PARVB: variants seen among roughly 807,000 people sequenced by gnomAD.
The protein encoded by PARVB is beta-parvin.
A neutral mutation model predicts 47.0 loss-of-function variants in PARVB; 46 were observed. The ratio of observed to expected loss-of-function variants is 0.98; its 90% CI spans 0.77 to 1.25. The LOEUF is 1.25. Ranked by LOEUF, PARVB falls within the 50% of genes most tolerant of loss-of-function variation. The pLI is 0.00. For synonymous variants in PARVB, 196 were observed against 196.3 expected (o/e 1.00, Z 0.01); for missense variants, 473 against 471.6 (o/e 1.00, Z -0.03).
At chr22:44,166,964 G>A (rs1382733430) in intron 12 of PARVB, among the ~76,000 whole-genome samples, 1 of 152,218 alleles carries the variant, frequency 6.6e-6, no homozygotes, top group Admixed American at 6.5e-5. Context: ...GGCTGGTGGG[G>A]AGGGAGGCAG....
intron 2 of PARVB, among the ~76,000 whole-genome samples, chr22:44,016,277 T>C (rs2050579745): frequency 6.6e-6 from 1 of 152,026 alleles, no homozygotes; most frequent in Non-Finnish European, 1.5e-5. Context: ...TTTGTATTTT[T>C]AGTAGAGACG....
chr22:44,016,376 A>G (rs9614314), intron 2 of PARVB, among the ~76,000 whole-genome samples: 8,692 of 152,138 alleles, frequency 0.057, 533 homozygotes, highest in African/African-American at 0.15. Flanking sequence ...GATTACAGGC[A>G]TGAGCCACTG....
intron 3 of PARVB, 53 bp from the exon 4 acceptor site, chr22:44,118,985 C>T: frequency 8.0e-7 from 1 of 1,243,528 alleles, no homozygotes; most frequent in African/African-American, 1.5e-5. Context: ...TGGTCACTGC[C>T]TCATTGCCGT....
At chr22:44,009,001 G>GTAAA (rs1367098900) in intron 2 of PARVB, among the ~76,000 whole-genome samples, 2 of 151,950 alleles carry the variant, frequency 1.3e-5, no homozygotes, top group Non-Finnish European at 2.9e-5. Flanking sequence ...AAATAAATAA[G>GTAAA]TAAATAAATA....
intron 2 of PARVB, among the ~76,000 whole-genome samples, chr22:44,003,633 C>A (rs1177652447): frequency 6.6e-6 from 1 of 152,164 alleles, no homozygotes; most frequent in East Asian, 1.9e-4. Flanking sequence ...CCTTTCCTGT[C>A]TGTCTGAAAA....
At chr22:44,030,867 TA>T (rs1312035027) in intron 1 of PARVB, among the ~76,000 whole-genome samples, 6 of 151,840 alleles carry the variant, frequency 4.0e-5, no homozygotes, top group Admixed American at 6.6e-5. Context: ...TCAGGGCCCG[TA>T]GAAAAGTGGC....
At position 44,125,197 on chromosome 22, in the gene PARVB, G is replaced by GT. The variant is rs2053160907; in HGVS notation, c.376+6060dup. Among the ~76,000 whole-genome samples, 1 of 152,144 alleles carries GT rather than the reference G, an allele frequency of 6.6e-6. No individual in the cohort carries two copies. Among genetic ancestry groups the GT allele is most frequent in the South Asian group, 2.1e-4 (1 of 4,828 alleles). On this transcript the variant is annotated intron_variant, in intron 4 of 12. Transcript: ENST00000338758. This position sits in a 1 kb window ranked among gnomAD's most constrained non-coding sequence, Gnocchi z 4.1. Reference sequence around the variant, plus strand: ...TATATTTGGAGGGAAACATGTCTGTGTTTGTTTTGGTCACACATTCATTCA... The same window carrying GT: ...TATATTTGGAGGGAAACATGTCTGTGTTTTGTTTTGGTCACACATTCATTCA...
intron 2 of PARVB, chr22:43,999,746 C>T (rs1405015897): frequency 2.0e-6 from 2 of 981,834 alleles, no homozygotes; most frequent in African/African-American, 1.7e-5. Context: ...GTAACCCTAG[C>T]ACTTTGGGAG....
chr22:44,002,203 C>G (rs556675124), intron 2 of PARVB, among the ~76,000 whole-genome samples: 50 of 152,304 alleles, frequency 3.3e-4, no homozygotes, highest in Middle Eastern at 6.8e-3. Flanking sequence ...AATGGACTCC[C>G]TGGAGGAGTC....
intron 1 of PARVB, among the ~76,000 whole-genome samples, chr22:44,077,282 C>G (rs960594157): frequency 1.3e-5 from 2 of 152,182 alleles, no homozygotes; most frequent in Admixed American, 6.5e-5. Flanking sequence ...CCGTGGGCCA[C>G]ATCACTCCAG....
At chr22:44,130,943 C>T (rs993114289) in intron 4 of PARVB, among the ~76,000 whole-genome samples, 2 of 151,780 alleles carry the variant, frequency 1.3e-5, no homozygotes, top group Non-Finnish European at 2.9e-5. Context: ...AAGACGCCCC[C>T]ATGGCCACAT....
intron 3 of PARVB, among the ~76,000 whole-genome samples, chr22:44,101,600 A>C (rs2052449347): frequency 6.6e-6 from 1 of 151,638 alleles, no homozygotes; most frequent in African/African-American, 2.4e-5. Flanking sequence ...AAATACAAAA[A>C]ATTTGCCGGG....
At chr22:44,135,311 T>C (rs142689105) in intron 6 of PARVB, among the ~76,000 whole-genome samples, 1,576 of 151,920 alleles carry the variant, frequency 0.01, 23 homozygotes, top group African/African-American at 0.036. Context: ...CAGGCTGGAG[T>C]GCAGTGGCAC....
chr22:44,084,241 G>A (rs1473688566), intron 1 of PARVB, among the ~76,000 whole-genome samples: 1 of 152,196 alleles, frequency 6.6e-6, no homozygotes, highest in African/African-American at 2.4e-5. Context: ...TGTGTTCCTG[G>A]GAGGCCAGTG....
Position 44,130,371 on chromosome 22 carries a change from C to T in PARVB, c.377-1116C>T, listed in dbSNP as rs565364267. Among the ~76,000 whole-genome samples the T allele has an allele frequency of 4.6e-5, 7 of 152,232 alleles. No homozygotes were observed. The East Asian group carries it at 1.2e-3, about 25-fold the overall frequency. On this transcript the variant is annotated intron_variant, in intron 4 of 12. Transcript: ENST00000338758. ...TCCTTCCTGCTGTGTGGCCCTGCAG[C>T]GGGCGTGGGGTGGGGCGCTGGTGGC...
intron 1 of PARVB, among the ~76,000 whole-genome samples, chr22:44,034,106 TATATAAAGAATATATGTATAAAGA>T (rs1021513534): frequency 1.3e-5 from 2 of 150,818 alleles, no homozygotes; most frequent in Non-Finnish European, 3.0e-5. Context: ...CAAATAAAAA[TATATAAAGAATATATGTATAAAGA>T]ATATAAAGAA....
At chr22:44,025,327 C>T (rs528671338) in intron 1 of PARVB, among the ~76,000 whole-genome samples, 2 of 152,248 alleles carry the variant, frequency 1.3e-5, no homozygotes, top group East Asian at 3.9e-4. Flanking sequence ...CTTCCTGTGC[C>T]TCCAGGGATT....
chr22:44,102,068 G>A (rs558238367), intron 3 of PARVB, among the ~76,000 whole-genome samples: 106 of 152,258 alleles, frequency 7.0e-4, no homozygotes, highest in African/African-American at 2.5e-3. Context: ...GAAGTCCCCC[G>A]ACCTGCCATC....
In PARVB at chr22:44,049,809, A is replaced by G. The variant is rs2051175697; in HGVS notation, c.112+25358A>G. Among the ~76,000 whole-genome samples the G allele has an allele frequency of 6.6e-6, 1 of 152,260 alleles. No individual in the cohort carries two copies. Among genetic ancestry groups the G allele is most frequent in the African/African-American group, 2.4e-5 (1 of 41,478 alleles). ...GAACGGGCCATTTGGGGGCTCAGCC[A>G]TCTGGCACATGGAGTGAGTAGGTTT... On this transcript the variant is annotated intron_variant, in intron 1 of 12. Transcript: ENST00000338758. The surrounding 1 kb of genome is among the most constrained non-coding windows in gnomAD (Gnocchi z 4.0).
Sources: allele counts gnomAD v4.1 joint callset (sites outside exome capture counted in the v4.1 genomes callset), GRCh38; gene constraint gnomAD v4.1.1; non-coding constraint Gnocchi (gnomAD v3.1); transcripts MANE v1.5; gene names NCBI Gene and HGNC (gene_info 2026-07-23, HGNC 2026-07-21).